The following TMPRSS15 variants were observed in gnomAD, a reference collection of about 807,000 sequenced individuals.
TMPRSS15 encodes the protein enteropeptidase.
TMPRSS15 carries 128 observed loss-of-function variants against 125.3 expected under a neutral mutation model. That is an observed-to-expected ratio of 1.02 (90% CI 0.89 to 1.18). The LOEUF is 1.18. Among genes scored for constraint, TMPRSS15 ranks in the 50% most tolerant of loss-of-function variants. The probability of loss-of-function intolerance (pLI) is 0.00; values close to 1 mark genes in which losing one functional copy is unlikely to be tolerated. For missense variants in TMPRSS15, 1,283 were observed against 1,212.7 expected (o/e 1.06, Z -0.86); for synonymous variants, 446 against 423.2 (o/e 1.05, Z -0.66).
rs138417466 is a variant in TMPRSS15 at position 18,392,313 on chromosome 21, A to T, written c.344+5566T>A. ...CTGTTGAAAATTTTGCTGTTTAGAA[A>T]TTTCTCCTGCCAGATACCTTAAATC... On this transcript the variant is annotated intron_variant, in intron 3 of 24. Coordinates refer to ENST00000284885, the MANE Select transcript of TMPRSS15 (RefSeq NM_002772.3). Among the ~76,000 whole-genome samples the T allele has an allele frequency of 5.8e-4, 89 of 152,260 alleles. 2 individuals carry two copies. In the East Asian group the frequency reaches 0.015, roughly 26 times the overall value.
At chr21:18,485,528 G>T (rs1204811949) in intron 1 of TMPRSS15, among the ~76,000 whole-genome samples, 1 of 151,474 alleles carries the variant, frequency 6.6e-6, no homozygotes, top group Non-Finnish European at 1.5e-5. Context: ...TGTTTGTTTT[G>T]GTTGTTTCTA....
chr21:18,330,076 C>T (rs974287878), intron 14 of TMPRSS15, among the ~76,000 whole-genome samples: 5 of 152,090 alleles, frequency 3.3e-5, no homozygotes, highest in African/African-American at 4.8e-5. Flanking sequence ...CTTATTCTTC[C>T]TATCTCAGTG....
intron 1 of TMPRSS15, among the ~76,000 whole-genome samples, chr21:18,439,487 A>G (rs1024758859): frequency 1.3e-5 from 2 of 152,222 alleles, no homozygotes; most frequent in African/African-American, 2.4e-5. Flanking sequence ...TTTTTTAAAC[A>G]TAGAACATTT....
intron 18 of TMPRSS15, among the ~76,000 whole-genome samples, chr21:18,309,789 G>C (rs2075078462): frequency 1.3e-5 from 2 of 152,164 alleles, no homozygotes; most frequent in Admixed American, 1.3e-4. Context: ...ACAGATGCTG[G>C]AGAGGATGTG....
intron 18 of TMPRSS15, among the ~76,000 whole-genome samples, chr21:18,308,105 A>T (rs535692970): frequency 1.3e-5 from 2 of 152,298 alleles, no homozygotes; most frequent in South Asian, 4.1e-4. Context: ...GCTCCTGAGC[A>T]ATTGAAGCTA....
intron 1 of TMPRSS15, among the ~76,000 whole-genome samples, chr21:18,402,207 A>T (rs909710236): frequency 2.6e-5 from 4 of 152,180 alleles, no homozygotes; most frequent in African/African-American, 9.7e-5. Context: ...TAGCTAACCC[A>T]ACAATTGTGA....
chr21:18,326,637 C>T (rs1482125300), intron 15 of TMPRSS15, 65 bp from the exon 16 acceptor site: 4 of 1,596,224 alleles, frequency 2.5e-6, no homozygotes, highest in South Asian at 1.1e-5. Flanking sequence ...AAATGTACCC[C>T]ACATCTCAGT....
chr21:18,367,974 A>G (rs2075754719), intron 6 of TMPRSS15, among the ~76,000 whole-genome samples: 1 of 152,196 alleles, frequency 6.6e-6, no homozygotes, highest in South Asian at 2.1e-4. Flanking sequence ...GCAGGGGGGA[A>G]AGCATAAATA....
upstream of TMPRSS15, among the ~76,000 whole-genome samples, chr21:18,406,357 A>G (rs546753291): frequency 6.6e-6 from 1 of 152,290 alleles, no homozygotes; most frequent in African/African-American, 2.4e-5. Flanking sequence ...TGTGAGTAGA[A>G]CATCCAGGGA....
Position 18,294,295 on chromosome 21 carries a change from C to G in TMPRSS15, c.2461G>C (p.Val821Leu). ...GASLVSSDWL[V>L]SAAHCVYGRN... ...CCATACACGCAGTGTGCGGCGGACA[C>G]CAGCCAGTCACTGCTGACGAGAGAT... Residue 821 changes from valine (V) to leucine (L), a missense_variant, in exon 21 of 25, where the codon GTG becomes CTG. Physicochemically the swap from Val to Leu is conservative, Grantham distance 32. Transcript: ENST00000284885. The G allele has an allele frequency of 1.2e-6, 2 of 1,614,238 alleles. No homozygotes were observed. Among genetic ancestry groups the G allele is most frequent in the Non-Finnish European group, 1.7e-6 (2 of 1,180,050 alleles).
intron 1 of TMPRSS15, among the ~76,000 whole-genome samples, chr21:18,440,209 C>A (rs980783125): frequency 6.6e-6 from 1 of 150,966 alleles, no homozygotes; most frequent in Non-Finnish European, 1.5e-5. Flanking sequence ...CTCGTCTCTA[C>A]TAAAAATACA....
In TMPRSS15 at chr21:18,383,616, T is replaced by A. The variant is rs1209493326; in HGVS notation, c.496+11A>T. On this transcript the variant is annotated intron_variant, in intron 4 of 24. Coordinates refer to ENST00000284885, the MANE Select transcript of TMPRSS15 (RefSeq NM_002772.3). ...AATGATTCAAAGAAATCAAATAATG[T>A]TCACACATACCTAGGATATCAACGC... is the stretch of plus-strand genomic sequence containing the variant. 1 of 1,613,124 alleles carries A rather than the reference T, an allele frequency of 6.2e-7. No homozygotes were observed. The highest frequency in any genetic ancestry group is 1.7e-5 in the Admixed American group (1 of 60,006).
intron 1 of TMPRSS15, among the ~76,000 whole-genome samples, chr21:18,428,313 T>C (rs2076208199): frequency 6.6e-6 from 1 of 152,154 alleles, no homozygotes; most frequent in African/African-American, 2.4e-5. Context: ...TTGGAAAATT[T>C]GCAGGCTGAC....
chr21:18,371,079 T>C (rs1414249911), intron 6 of TMPRSS15, among the ~76,000 whole-genome samples: 2 of 152,120 alleles, frequency 1.3e-5, no homozygotes, highest in Non-Finnish European at 2.9e-5. Context: ...TCTCCCCTTA[T>C]CCACAGGGGA....
intron 1 of TMPRSS15, among the ~76,000 whole-genome samples, chr21:18,463,396 G>T (rs1978591041): frequency 6.6e-6 from 1 of 151,568 alleles, no homozygotes; most frequent in African/African-American, 2.4e-5. Flanking sequence ...GCATCAAGTA[G>T]AGCTAACTAT....
intron 1 of TMPRSS15, among the ~76,000 whole-genome samples, chr21:18,419,373 C>T (rs895855080): frequency 6.6e-6 from 1 of 151,676 alleles, no homozygotes; most frequent in Non-Finnish European, 1.5e-5. Context: ...CTACAGGCGC[C>T]CGCCACCACG....
chr21:18,415,078 G>T (rs1181157545), intron 1 of TMPRSS15, among the ~76,000 whole-genome samples: 2 of 151,730 alleles, frequency 1.3e-5, no homozygotes, highest in African/African-American at 2.4e-5. Flanking sequence ...ATCATTCATT[G>T]TAGTTTCGAT....
At chr21:18,382,214 G>C (rs947605185) in intron 4 of TMPRSS15, among the ~76,000 whole-genome samples, 1 of 152,132 alleles carries the variant, frequency 6.6e-6, no homozygotes, top group Non-Finnish European at 1.5e-5. Context: ...TTGGGGGATA[G>C]TAATGACATC....
chr21:18,313,724 A>G (rs748550027), intron 17 of TMPRSS15, among the ~76,000 whole-genome samples: 1 of 151,976 alleles, frequency 6.6e-6, no homozygotes, highest in Non-Finnish European at 1.5e-5. Context: ...CTTTTATGTA[A>G]CCATAAAAAT....
Sources: allele counts gnomAD v4.1 joint callset (sites outside exome capture counted in the v4.1 genomes callset), GRCh38; gene constraint gnomAD v4.1.1; transcripts MANE v1.5; gene names NCBI Gene and HGNC (gene_info 2026-07-23, HGNC 2026-07-21).